Variants in CDH13 observed in about 807,000 individuals in gnomAD.
CDH13 encodes cadherin 13.
Under a neutral mutation model 63.8 loss-of-function variants are expected in CDH13, and 24 were observed. The observed-to-expected ratio is 0.38, with a 90% confidence interval of 0.27 to 0.53. The LOEUF (loss-of-function observed/expected upper bound fraction) is 0.53. Ranked by LOEUF, CDH13 falls within the 20% of genes least tolerant of loss-of-function variation. The pLI is 0.85. For synonymous variants in CDH13, 503 were observed against 355.3 expected (o/e 1.42, Z -4.67); for missense variants, 1,049 against 903.1 (o/e 1.16, Z -2.07).
At chr16:83,575,939 A>C (rs1196168528) in intron 7 of CDH13, among the ~76,000 whole-genome samples, 2 of 152,238 alleles carry the variant, frequency 1.3e-5, no homozygotes, top group Non-Finnish European at 2.9e-5. Flanking sequence ...TGTAAAATTC[A>C]CATAACATAA....
chr16:83,708,711 T>G (rs1907534887), intron 10 of CDH13, among the ~76,000 whole-genome samples: 1 of 152,186 alleles, frequency 6.6e-6, no homozygotes, highest in Admixed American at 6.5e-5. Flanking sequence ...ACACCCATTT[T>G]CACCATAAAA....
chr16:82,856,660 C>G (rs1016405383), intron 1 of CDH13, among the ~76,000 whole-genome samples: 16 of 115,224 alleles, frequency 1.4e-4, no homozygotes, highest in African/African-American at 5.1e-4. Context: ...CACAGTTGCA[C>G]TCCAGCCTGG....
intron 7 of CDH13, among the ~76,000 whole-genome samples, chr16:83,563,633 T>G (rs1026407089): frequency 2.0e-5 from 3 of 152,174 alleles, no homozygotes; most frequent in African/African-American, 7.2e-5. Flanking sequence ...GAAGTGCAAG[T>G]TTCCTCTAGA....
chr16:82,845,163 G>A lies in CDH13; in HGVS notation c.46-13199G>A, dbSNP rs117511873. ...AGAACCAATATATTAAGGAATCCTT[G>A]AGCTCACTGCTGTAGACAGCCAGGG... On this transcript the variant is annotated intron_variant, in intron 1 of 13. Coordinates refer to ENST00000567109, the MANE Select transcript of CDH13 (RefSeq NM_001257.5). Among the ~76,000 whole-genome samples, 1,413 of 152,232 alleles carry A rather than the reference G, an allele frequency of 9.3e-3. 12 individuals are homozygous for A. Among genetic ancestry groups the A allele is most frequent in the Non-Finnish European group, 0.012 (786 of 68,024 alleles).
chr16:83,468,709 T>C (rs2073381545), intron 6 of CDH13, among the ~76,000 whole-genome samples: 1 of 152,212 alleles, frequency 6.6e-6, no homozygotes, highest in Non-Finnish European at 1.5e-5. Flanking sequence ...CCTTCCCTTC[T>C]TTGTTCTTGA....
intron 5 of CDH13, among the ~76,000 whole-genome samples, chr16:83,332,957 T>A (rs993041032): frequency 6.6e-6 from 1 of 152,240 alleles, no homozygotes. Flanking sequence ...AAGGAAATAC[T>A]GTACCTCTAA....
At position 83,263,937 on chromosome 16, in the gene CDH13, C is replaced by G. The variant is rs1213481126; in HGVS notation, c.636+46440C>G. Among the ~76,000 whole-genome samples the G allele has an allele frequency of 7.9e-5, 12 of 152,156 alleles. No homozygotes were observed. In the East Asian group the frequency reaches 2.3e-3, roughly 29 times the overall value. On this transcript the variant is annotated intron_variant, in intron 5 of 13. Coordinates refer to ENST00000567109, the MANE Select transcript of CDH13 (RefSeq NM_001257.5). ...CCTCAGACAGTCTTTCATGCAGAGA[C>G]TCAATTTAACACTTCAGAAAATTTT... is the stretch of plus-strand genomic sequence containing the variant.
At chr16:83,343,165 A>C (rs1301822513) in intron 5 of CDH13, among the ~76,000 whole-genome samples, 2 of 152,110 alleles carry the variant, frequency 1.3e-5, no homozygotes, top group Admixed American at 1.3e-4. Flanking sequence ...AGGATGAAGT[A>C]ATGTTAAAGA....
chr16:82,826,669 G>C (rs1482100683), intron 1 of CDH13: 2 of 152,160 alleles, frequency 1.3e-5, no homozygotes, highest in Non-Finnish European at 2.9e-5. Flanking sequence ...AAATTGCTTC[G>C]TACAATGAAG....
At chr16:83,447,218 C>T (rs887310488) in intron 6 of CDH13, among the ~76,000 whole-genome samples, 79 of 147,338 alleles carry the variant, frequency 5.4e-4, no homozygotes, top group African/African-American at 1.9e-3. Flanking sequence ...AGTTCGAGAC[C>T]AGCCTAGTCA....
chr16:83,334,585 A>C (rs1191098139), intron 5 of CDH13, among the ~76,000 whole-genome samples: 1 of 151,212 alleles, frequency 6.6e-6, no homozygotes, highest in Non-Finnish European at 1.5e-5. Context: ...TACATTGCTC[A>C]GGCTGGTCTC....
At chr16:83,347,272 C>G (rs1473521294) in intron 6 of CDH13, among the ~76,000 whole-genome samples, 2 of 149,262 alleles carry the variant, frequency 1.3e-5, no homozygotes, top group African/African-American at 4.9e-5. Context: ...TTCCATTATG[C>G]TCTGCTCATC....
intron 2 of CDH13, among the ~76,000 whole-genome samples, chr16:82,958,527 AAC>A (rs1483363900): frequency 6.6e-6 from 1 of 152,222 alleles, no homozygotes; most frequent in African/African-American, 2.4e-5. Flanking sequence ...CAAGATGGAA[AAC>A]ACAGTCGGGG....
intron 4 of CDH13, among the ~76,000 whole-genome samples, chr16:83,187,956 A>C (rs1165496874): frequency 1.3e-5 from 2 of 152,268 alleles, no homozygotes; most frequent in East Asian, 3.9e-4. Context: ...CCTCGATAAA[A>C]GGAACTATGA....
intron 1 of CDH13, among the ~76,000 whole-genome samples, chr16:82,690,026 G>GGCATGGTGTT (rs1597331056): frequency 2.4e-5 from 2 of 82,952 alleles, no homozygotes; most frequent in East Asian, 7.3e-4. Flanking sequence ...AAATTAGCCA[G>GGCATGGTGTT]GCATGGTGTT....
chr16:83,154,544 C>G (rs184277508), intron 4 of CDH13, among the ~76,000 whole-genome samples: 1 of 148,004 alleles, frequency 6.8e-6, no homozygotes, highest in Non-Finnish European at 1.5e-5. Flanking sequence ...TCCAACCTGG[C>G]GACAGAGAGA....
intron 4 of CDH13, among the ~76,000 whole-genome samples, chr16:83,171,183 G>T (rs971683247): frequency 9.9e-5 from 15 of 152,148 alleles, no homozygotes; most frequent in African/African-American, 3.1e-4. Flanking sequence ...AGGCAAAGGG[G>T]AAGCAGGCAC....
chr16:83,085,338 G>A (rs2033520386), intron 3 of CDH13, among the ~76,000 whole-genome samples: 1 of 152,040 alleles, frequency 6.6e-6, no homozygotes. Flanking sequence ...ACCTCCCCTA[G>A]GTCCCTCCCA....
At position 83,728,155 on chromosome 16, in the gene CDH13, C is replaced by T. The variant is rs3784964; in HGVS notation, c.1539-19953C>T. Among the ~76,000 whole-genome samples the T allele has an allele frequency of 2.0e-5, 3 of 152,256 alleles. No homozygotes were observed. In the East Asian group the frequency reaches 5.8e-4, roughly 29 times the overall value. Reference sequence around the variant, plus strand: ...ACAGCACCGCGGGCAGGCTTCAGAGCCACACACCACGTCTCTGTCTCAGAG... The same window carrying T: ...ACAGCACCGCGGGCAGGCTTCAGAGTCACACACCACGTCTCTGTCTCAGAG... On this transcript the variant is annotated intron_variant, in intron 10 of 13. Transcript: ENST00000567109.
Sources: gnomAD v4.1 joint callset for allele counts (sites outside exome capture counted in the v4.1 genomes callset) on GRCh38, gnomAD v4.1.1 for gene constraint, MANE v1.5 for transcripts, NCBI Gene and HGNC (gene_info 2026-07-23, HGNC 2026-07-21) for gene names.